The following TESPA1 variants were observed in gnomAD, a reference collection of about 807,000 sequenced individuals.
The protein encoded by TESPA1 is protein TESPA1.
Under a neutral mutation model 57.9 loss-of-function variants are expected in TESPA1, and 33 were observed. The ratio of observed to expected loss-of-function variants is 0.57; its 90% CI spans 0.43 to 0.76. TESPA1 has a LOEUF of 0.76. Ranked by LOEUF, TESPA1 falls within the 30% of genes least tolerant of loss-of-function variation. The pLI is 0.00. For missense variants in TESPA1, 618 were observed against 632.9 expected (o/e 0.98, Z 0.25); for synonymous variants, 227 against 228.9 (o/e 0.99, Z 0.07).
chr12:54,980,565 A>C (rs927717051), intron 1 of TESPA1, among the ~76,000 whole-genome samples: 1 of 152,190 alleles, frequency 6.6e-6, no homozygotes, highest in African/African-American at 2.4e-5. Flanking sequence ...GTGGCCTTGA[A>C]TTTCTGGGGC....
Position 54,973,456 on chromosome 12 carries a change from CA to C in TESPA1, c.206+20del, listed in dbSNP as rs747928074. On this transcript the variant is annotated intron_variant, in intron 3 of 10. Coordinates refer to ENST00000449076, the MANE Select transcript of TESPA1 (RefSeq NM_001136030.3). Reference sequence around the variant, plus strand: ...TTCAACCATCAGCCACATACCACCCCATTGCCTGTCCAGCACTTACCCGCAA... The same window carrying C: ...TTCAACCATCAGCCACATACCACCCCTTGCCTGTCCAGCACTTACCCGCAA... 1.2e-6 allele frequency: 2 copies of C among 1,613,938 alleles called. No individual in the cohort carries two copies. The highest frequency in any genetic ancestry group is 2.2e-5 in the South Asian group (2 of 91,072).
Position 54,973,530 on chromosome 12 carries a change from C to T in TESPA1, c.164-11G>A, listed in dbSNP as rs781465586. ...TATTGATTGGATTCCCTAGAAAAGT[C>T]AGACACTAGATCACTGTGAGAACTG... is the stretch of plus-strand genomic sequence containing the variant. On this transcript the variant is annotated splice_polypyrimidine_tract_variant and intron_variant, in intron 2 of 10. Transcript: ENST00000449076. 7 of 1,613,884 alleles carry T rather than the reference C, an allele frequency of 4.3e-6. No individual in the cohort carries two copies. The highest frequency in any genetic ancestry group is 5.1e-6 in the Non-Finnish European group (6 of 1,179,882).
chr12:54,983,387 C>T (rs1246194350), intron 1 of TESPA1, among the ~76,000 whole-genome samples: 3 of 152,122 alleles, frequency 2.0e-5, no homozygotes, highest in Non-Finnish European at 4.4e-5. Context: ...GACAATAAAC[C>T]TGACTTCCCT....
In TESPA1 at chr12:54,974,482, C is replaced by T; in HGVS notation, c.81G>A (p.Gln27=). The change falls in exon 2 of 11, where the codon CAG becomes CAA. Residue 27 remains glutamine, a synonymous_variant. Transcript: ENST00000449076. ...WLRQSRNWQT[Q]VLEEEAAAAL... ...CGGCGGCAGCCTCCTCTTCTAGGAC[C>T]TGGGTCTGCCAGTTACGGCTCTGAC... is the stretch of plus-strand genomic sequence containing the variant. 5.6e-6 allele frequency: 9 copies of T among 1,605,720 alleles called. No individual in the cohort carries two copies. The highest frequency in any genetic ancestry group is 7.7e-6 in the Non-Finnish European group (9 of 1,176,228).
intron 1 of TESPA1, among the ~76,000 whole-genome samples, chr12:54,977,963 T>A (rs1323555848): frequency 6.6e-6 from 1 of 152,122 alleles, no homozygotes; most frequent in East Asian, 1.9e-4. Context: ...TAGTGTCTGG[T>A]TAGTGGTAAT....
chr12:54,958,220 T>G (rs563280107), intron 10 of TESPA1, among the ~76,000 whole-genome samples: 38 of 152,176 alleles, frequency 2.5e-4, no homozygotes, highest in East Asian at 7.7e-4. Flanking sequence ...TTGTGGAACA[T>G]CTTGGCATTT....
chr12:54,959,774 G>C lies in TESPA1; in HGVS notation c.*1+1394C>G, dbSNP rs929361843. Among the ~76,000 whole-genome samples, 6 of 152,174 alleles carry C rather than the reference G, an allele frequency of 3.9e-5. 1 individual carries two copies. The highest frequency in any genetic ancestry group is 1.4e-4 in the African/African-American group (6 of 41,444). On this transcript the variant is annotated intron_variant, in intron 10 of 10. Transcript: ENST00000449076. ...TTTCAGTCTGTTCAGGTTTTTACTT[G>C]TTGTTTGGGTGGAGTGGCCGCTTCT... is the stretch of plus-strand genomic sequence containing the variant.
chr12:54,957,274 C>T (rs1458013153), intron 10 of TESPA1, among the ~76,000 whole-genome samples: 1 of 152,166 alleles, frequency 6.6e-6, no homozygotes, highest in Admixed American at 6.5e-5. Flanking sequence ...CTGAGTGCTG[C>T]TACCACTTCC....
rs750835288 is a variant in TESPA1, at chr12:54,963,112, A to T, written c.786T>A (p.Thr262=). 6.2e-7 allele frequency: 1 copy of T among 1,613,966 alleles called. No homozygotes were observed. Among genetic ancestry groups the T allele is most frequent in the Non-Finnish European group, 8.5e-7 (1 of 1,179,884 alleles). ...SHMFWNCNHP[T]DVPSIRILSR... ...ACAGAATCCTGATGGATGGCACATC[A>T]GTTGGATGGTTGCAATTCCAGAACA... is the stretch of plus-strand genomic sequence containing the variant. Residue 262 remains threonine, a synonymous_variant, in exon 9 of 11, where the codon ACT becomes ACA. Coordinates refer to ENST00000449076, the MANE Select transcript of TESPA1 (RefSeq NM_001136030.3).
intron 3 of TESPA1, 62 bp from the exon 4 acceptor site, chr12:54,967,954 A>G: frequency 6.2e-7 from 1 of 1,609,104 alleles, no homozygotes; most frequent in Non-Finnish European, 8.5e-7. Flanking sequence ...GAGCTTTTTC[A>G]TGGAAAAACT....
At chr12:54,957,415 G>GA (rs1950800999) in intron 10 of TESPA1, among the ~76,000 whole-genome samples, 1 of 152,168 alleles carries the variant, frequency 6.6e-6, no homozygotes, top group Non-Finnish European at 1.5e-5. Context: ...CAGCAGAACT[G>GA]AAAAAAATTA....
chr12:54,957,043 C>G (rs538798700), intron 10 of TESPA1, among the ~76,000 whole-genome samples: 39 of 152,136 alleles, frequency 2.6e-4, no homozygotes, highest in Admixed American at 2.4e-3. Flanking sequence ...ACCAACTTTG[C>G]GAGACTCATT....
intron 10 of TESPA1, among the ~76,000 whole-genome samples, chr12:54,960,120 G>A (rs1397315114): frequency 6.6e-6 from 1 of 152,046 alleles, no homozygotes; most frequent in Non-Finnish European, 1.5e-5. Flanking sequence ...CCAAAATAAA[G>A]GAATCTCTAA....
chr12:54,960,598 A>G (rs989391269), intron 10 of TESPA1, among the ~76,000 whole-genome samples: 3 of 152,166 alleles, frequency 2.0e-5, no homozygotes, highest in African/African-American at 7.2e-5. Context: ...CAAAACTTCT[A>G]CTACAATGAG....
intron 10 of TESPA1, among the ~76,000 whole-genome samples, chr12:54,953,738 T>C (rs1032333169): frequency 2.0e-5 from 3 of 152,084 alleles, no homozygotes; most frequent in Admixed American, 2.0e-4. Context: ...GCCAGGATGC[T>C]CTCAATCTCC....
intron 10 of TESPA1, among the ~76,000 whole-genome samples, chr12:54,959,504 G>A (rs1429987852): frequency 2.6e-5 from 4 of 152,178 alleles, no homozygotes; most frequent in Non-Finnish European, 5.9e-5. Flanking sequence ...AGAAACAAGG[G>A]GCCTCCCAAT....
rs1951583807 is a variant in TESPA1, at chr12:54,968,345, A to G, written c.207-453T>C. Among the ~76,000 whole-genome samples the G allele has an allele frequency of 4.6e-5, 7 of 152,194 alleles. 2 individuals carry two copies. Among genetic ancestry groups the G allele is most frequent in the Admixed American group, 4.6e-4 (7 of 15,280 alleles). ...CCCACACTTCCTTCCTTCTCTCTGA[A>G]CCATGTTATTGCTGAATATCATGTC... is the stretch of plus-strand genomic sequence containing the variant. On this transcript the variant is annotated intron_variant, in intron 3 of 10. Transcript: ENST00000449076.
chr12:54,978,131 A>T (rs977267067), intron 1 of TESPA1, among the ~76,000 whole-genome samples: 6 of 152,182 alleles, frequency 3.9e-5, no homozygotes, highest in African/African-American at 1.4e-4. Context: ...ATGTCAAGAT[A>T]GCAGCTTTGT....
intron 10 of TESPA1, among the ~76,000 whole-genome samples, chr12:54,959,816 G>C (rs1385208514): frequency 1.3e-5 from 2 of 152,130 alleles, no homozygotes; most frequent in Non-Finnish European, 2.9e-5. Context: ...TAACATGCCA[G>C]ACCAGCAACT....
Sources: gnomAD v4.1 joint callset for allele counts (sites outside exome capture counted in the v4.1 genomes callset) on GRCh38, gnomAD v4.1.1 for gene constraint, MANE v1.5 for transcripts, NCBI Gene and HGNC (gene_info 2026-07-23, HGNC 2026-07-21) for gene names.